OR2A1: variants seen among roughly 807,000 people sequenced by gnomAD.
OR2A1 encodes the protein olfactory receptor 2A1/2A42.
For synonymous variants in OR2A1, 2 were observed against 94.7 expected (o/e 0.02, Z 5.68); for missense variants, 1 against 212.3 (o/e 0.00, Z 6.19).
At chr7:144,314,264 GA>G (rs1171987786) in intron 1 of OR2A1, among the ~76,000 whole-genome samples, 11 of 22,088 alleles carry the variant, frequency 5.0e-4, no homozygotes, top group South Asian at 2.7e-3. Context: ...AAAAGAGAAA[GA>G]AAAAAAAAAA....
chr7:144,321,297 T>C lies in OR2A1; in HGVS notation c.*2240T>C, dbSNP rs2053159118. 7.1e-6 allele frequency: 1 copy of C among 140,894 alleles called. No homozygotes were observed. The highest frequency in any genetic ancestry group is 1.5e-5 in the Non-Finnish European group (1 of 65,974). 8.7% of individuals were successfully genotyped at this position (140,894 alleles called of 1,614,324 possible). ...GGTTGTTTAGTTTCACGGCAGATGC[T>C]GCATACTGCATTGCAACTAACACTG... On this transcript the variant is annotated 3_prime_UTR_variant, in exon 2 of 2. Coordinates refer to ENST00000641044, the MANE Select transcript of OR2A1 (RefSeq NM_001005287.2).
chr7:144,313,227 G>A (rs558753492), intron 1 of OR2A1, among the ~76,000 whole-genome samples: 15 of 102,136 alleles, frequency 1.5e-4, no homozygotes, highest in African/African-American at 5.4e-4. Flanking sequence ...GTTCATTAAT[G>A]TTTTGCTTTC....
Position 144,320,546 on chromosome 7 carries a change from C to T in OR2A1, c.*1489C>T, listed in dbSNP as rs1463822471. On this transcript the variant is annotated 3_prime_UTR_variant, in exon 2 of 2. Coordinates refer to ENST00000641044, the MANE Select transcript of OR2A1 (RefSeq NM_001005287.2). Reference sequence around the variant, plus strand: ...AAACCCTATGAGGTAGAGACTATTACTACTATTTTTAGGCGAGAAAACAGA... The same window carrying T: ...AAACCCTATGAGGTAGAGACTATTATTACTATTTTTAGGCGAGAAAACAGA... The T allele has an allele frequency of 2.1e-5, 2 of 96,436 alleles. No homozygotes were observed. Among genetic ancestry groups the T allele is most frequent in the African/African-American group, 1.1e-4 (2 of 18,432 alleles). 6.0% of individuals were successfully genotyped at this position (96,436 alleles called of 1,614,324 possible).
intron 1 of OR2A1, among the ~76,000 whole-genome samples, chr7:144,316,156 C>A (rs540871991): frequency 2.0e-5 from 3 of 150,844 alleles, no homozygotes; most frequent in South Asian, 4.2e-4. Context: ...AAAAATATAA[C>A]CCTTGGCCAT....
chr7:144,316,172 A>G (rs1409870069), intron 1 of OR2A1, among the ~76,000 whole-genome samples: 1 of 150,674 alleles, frequency 6.6e-6, no homozygotes, highest in African/African-American at 2.4e-5. Flanking sequence ...GCCATGTGTT[A>G]TGAAGTTACA....
At chr7:144,316,036 T>C (rs1445854193) in intron 1 of OR2A1, among the ~76,000 whole-genome samples, 3 of 144,450 alleles carry the variant, frequency 2.1e-5, no homozygotes, top group Non-Finnish European at 4.6e-5. Context: ...GTTTATAAGG[T>C]GTAAATTCAA....
intron 1 of OR2A1, among the ~76,000 whole-genome samples, chr7:144,316,082 G>A (rs1243333407): frequency 2.0e-5 from 3 of 149,736 alleles, no homozygotes; most frequent in African/African-American, 2.4e-5. Flanking sequence ...TATGCTTTGC[G>A]TGTTTTCCAA....
intron 1 of OR2A1, among the ~76,000 whole-genome samples, chr7:144,317,549 TAAAGATTGCAATTAG>T (rs2053105012): frequency 7.6e-6 from 1 of 131,664 alleles, no homozygotes; most frequent in Non-Finnish European, 1.6e-5. Context: ...CATTGTAAAA[TAAAGATTGCAATTAG>T]AACCCATTTG....
At chr7:144,313,511 C>T (rs2053044872) in intron 1 of OR2A1, among the ~76,000 whole-genome samples, 1 of 132,462 alleles carries the variant, frequency 7.5e-6, no homozygotes, top group South Asian at 2.4e-4. Context: ...ACTATTTCTC[C>T]ACCCACCCCC....
chr7:144,313,243 T>C lies in OR2A1; in HGVS notation c.-5+696T>C, dbSNP rs1270360407. 2.0e-5 allele frequency among the ~76,000 whole-genome samples: 2 copies of C among 102,460 alleles called. 1 individual carries two copies. The highest frequency in any genetic ancestry group is 7.2e-5 in the African/African-American group (2 of 27,930). 67.2% of individuals were successfully genotyped at this position (102,460 alleles called of 152,430 possible). A position where few individuals can be genotyped will look rare whatever the true frequency, so the allele number is the denominator to read the frequency against. On this transcript the variant is annotated intron_variant, in intron 1 of 1. Transcript: ENST00000641044. Reference sequence around the variant, plus strand: ...TTCATTAATGTTTTGCTTTCTCATATTTAATCAAATTGATATCTAGTTAGT... The same window carrying C: ...TTCATTAATGTTTTGCTTTCTCATACTTAATCAAATTGATATCTAGTTAGT...
rs2053156157 is a variant in OR2A1 at position 144,321,066 on chromosome 7, CG to C, written c.*2012del. On this transcript the variant is annotated 3_prime_UTR_variant, in exon 2 of 2. Coordinates refer to ENST00000641044, the MANE Select transcript of OR2A1 (RefSeq NM_001005287.2). ...ACGTGTGCCTATATCCCCAGCTATT[CG>C]GGAGGCTGAGGCAAGAGGATCACTT... 1 of 92,270 alleles carries C rather than the reference CG, an allele frequency of 1.1e-5. No individual in the cohort carries two copies. The highest frequency in any genetic ancestry group is 9.7e-5 in the Admixed American group (1 of 10,338). The allele number at this position is 92,270 out of a possible 1,614,324, so 5.7% of individuals were successfully genotyped here.
chr7:144,313,412 G>GTTTGTTTT (rs1464156080), intron 1 of OR2A1, among the ~76,000 whole-genome samples: 1 of 71,868 alleles, frequency 1.4e-5, no homozygotes, highest in African/African-American at 7.6e-5. Context: ...TTTTGTTGTT[G>GTTTGTTTT]TTTGTTTTTT....
At chr7:144,316,211 C>T (rs1436020703) in intron 1 of OR2A1, among the ~76,000 whole-genome samples, 2 of 148,784 alleles carry the variant, frequency 1.3e-5, no homozygotes, top group African/African-American at 2.4e-5. Context: ...TTGTGTCTTG[C>T]TGATAATAAT....
In OR2A1 at chr7:144,318,940, CT is replaced by C; in HGVS notation, c.822del (p.Leu275TyrfsTer13). On this transcript the variant is annotated frameshift_variant, in exon 2 of 2. Transcript: ENST00000641044. LOFTEE classifies it low-confidence loss of function (END_TRUNC). ...GCCATCCTGAGGAGCAGCAAAAGGT[CT>C]TTTTTCTATTTTACAGTTTTTTCAA... The part of the protein sequence containing the change: ...SRHPEEQQKV[F>X]FLFYSFFNPT... 1 of 501,898 alleles carries C rather than the reference CT, an allele frequency of 2.0e-6. No individual in the cohort carries two copies. Among genetic ancestry groups the C allele is most frequent in the Non-Finnish European group, 3.4e-6 (1 of 291,986 alleles). The allele number at this position is 501,898 out of a possible 1,614,324, so 31.1% of individuals were successfully genotyped here.
intron 1 of OR2A1, among the ~76,000 whole-genome samples, chr7:144,316,179 T>G (rs2053075726): frequency 6.6e-6 from 1 of 150,648 alleles, no homozygotes; most frequent in Non-Finnish European, 1.5e-5. Context: ...GTTATGAAGT[T>G]ACAATATTCA....
rs1431788995 is a variant in OR2A1 at position 144,321,221 on chromosome 7, CAA to C, written c.*2166_*2167del. The C allele has an allele frequency of 9.2e-6, 1 of 108,262 alleles. No individual in the cohort carries two copies. Among genetic ancestry groups the C allele is most frequent in the Non-Finnish European group, 1.8e-5 (1 of 55,362 alleles). 6.7% of individuals were successfully genotyped at this position (108,262 alleles called of 1,614,324 possible). A position where few individuals can be genotyped will look rare whatever the true frequency, so the allele number is the denominator to read the frequency against. ...ATTTATTAAATTTTTTAAAATTACC[CAA>C]ACTGGATATACAATTTGTAATTCCA... On this transcript the variant is annotated 3_prime_UTR_variant, in exon 2 of 2. Coordinates refer to ENST00000641044, the MANE Select transcript of OR2A1 (RefSeq NM_001005287.2).
rs1323694364 is a variant in OR2A1 at position 144,319,426 on chromosome 7, CAG to C, written c.*373_*374del. 1 of 129,926 alleles carries C rather than the reference CAG, an allele frequency of 7.7e-6. No homozygotes were observed. The highest frequency in any genetic ancestry group is 1.6e-5 in the Non-Finnish European group (1 of 61,196). 8.0% of individuals were successfully genotyped at this position (129,926 alleles called of 1,614,324 possible). On this transcript the variant is annotated 3_prime_UTR_variant, in exon 2 of 2. Coordinates refer to ENST00000641044, the MANE Select transcript of OR2A1 (RefSeq NM_001005287.2). ...AAGTTTTTAAAAATACAGCCACAGG[CAG>C]AGACTCCAGAACCCATTGATACCTC...
chr7:144,313,222 T>C (rs1468579102), intron 1 of OR2A1, among the ~76,000 whole-genome samples: 1 of 102,702 alleles, frequency 9.7e-6, no homozygotes, highest in Non-Finnish European at 2.0e-5. Context: ...GGAGAGTTCA[T>C]TAATGTTTTG....
rs2053182485 is a variant in OR2A1, at chr7:144,322,735, A to G, written c.*3678A>G. 2.7e-5 allele frequency: 4 copies of G among 150,938 alleles called. No homozygotes were observed. Among genetic ancestry groups the G allele is most frequent in the Middle Eastern group, 3.4e-3 (1 of 294 alleles). The allele number at this position is 150,938 out of a possible 1,614,324, so 9.3% of individuals were successfully genotyped here. On this transcript the variant is annotated 3_prime_UTR_variant, in exon 2 of 2. Coordinates refer to ENST00000641044, the MANE Select transcript of OR2A1 (RefSeq NM_001005287.2). Reference sequence around the variant, plus strand: ...CACAATAAACTTTGACTAAATGAACAAATGAGTGGTTGTGTTCAAATTTCT... The same window carrying G: ...CACAATAAACTTTGACTAAATGAACGAATGAGTGGTTGTGTTCAAATTTCT...
Sources: allele counts gnomAD v4.1 joint callset (sites outside exome capture counted in the v4.1 genomes callset), GRCh38; gene constraint gnomAD v4.1.1; transcripts MANE v1.5; gene names NCBI Gene and HGNC (gene_info 2026-07-23, HGNC 2026-07-21).